NUDC: variants seen among roughly 807,000 people sequenced by gnomAD.
NUDC encodes nuclear migration protein nudC.
Under a neutral mutation model 45.0 loss-of-function variants are expected in NUDC, and 14 were observed. The ratio of observed to expected loss-of-function variants is 0.31; its 90% CI spans 0.21 to 0.49. The LOEUF (loss-of-function observed/expected upper bound fraction) is 0.49, where lower values mean the gene tolerates loss of function less well. Ranked by LOEUF, NUDC falls within the 20% of genes least tolerant of loss-of-function variation. The probability of loss-of-function intolerance (pLI) is 0.99; values close to 1 mark genes in which losing one functional copy is unlikely to be tolerated. For synonymous variants in NUDC, 153 were observed against 156.7 expected (o/e 0.98, Z 0.17); for missense variants, 323 against 426.2 (o/e 0.76, Z 2.13).
At position 26,921,824 on chromosome 1, in the gene NUDC, C is replaced by A; in HGVS notation, c.-25C>A. On this transcript the variant is annotated 5_prime_UTR_variant, in exon 1 of 9. Coordinates refer to ENST00000321265, the MANE Select transcript of NUDC (RefSeq NM_006600.4). Reference sequence around the variant, plus strand: ...AGCGCGGGACTAGAGTGCAGAGCTCCGGGACGTGGATCGGAGCCGGCGCGA... The same window carrying A: ...AGCGCGGGACTAGAGTGCAGAGCTCAGGGACGTGGATCGGAGCCGGCGCGA... 6.5e-7 allele frequency: 1 copy of A among 1,549,338 alleles called. No individual in the cohort carries two copies. The highest frequency in any genetic ancestry group is 8.7e-7 in the Non-Finnish European group (1 of 1,146,456).
intron 1 of NUDC, chr1:26,922,184 C>T: frequency 1.8e-6 from 1 of 565,140 alleles, no homozygotes; most frequent in Non-Finnish European, 3.2e-6. Context: ...CCTTTAGTTT[C>T]ACATATGCCC....
At chr1:26,934,354 A>G (rs1489672521) in intron 2 of NUDC, among the ~76,000 whole-genome samples, 1 of 152,122 alleles carries the variant, frequency 6.6e-6, no homozygotes, top group African/African-American at 2.4e-5. Context: ...CATGGGGGAA[A>G]CCATCCTGGT....
At chr1:26,909,005 C>T (rs1369104156) in intron 2 of NUDC, among the ~76,000 whole-genome samples, 1 of 151,406 alleles carries the variant, frequency 6.6e-6, no homozygotes, top group Non-Finnish European at 1.5e-5. Context: ...GACAGAGTCT[C>T]ACTCTGTCGC....
At chr1:26,941,904 C>A in intron 4 of NUDC, 86 bp downstream of exon 4, 2 of 1,245,648 alleles carry the variant, frequency 1.6e-6, no homozygotes, top group East Asian at 4.9e-5. Context: ...CTGGAATACC[C>A]TTCCTTATCC....
intron 1 of NUDC, among the ~76,000 whole-genome samples, chr1:26,901,965 A>G (rs571422395): frequency 6.6e-6 from 1 of 152,354 alleles, no homozygotes; most frequent in East Asian, 1.9e-4. Flanking sequence ...TGTCTAAACA[A>G]TAAAAAAAAT....
intron 2 of NUDC, among the ~76,000 whole-genome samples, chr1:26,927,205 G>GTGTGTGTGTGTGTGTGTGTGTGTGT (rs1557673508): frequency 8.0e-6 from 1 of 124,634 alleles, no homozygotes; most frequent in African/African-American, 3.5e-5. Context: ...TGTGTGTCAG[G>GTGTGTGTGTGTGTGTGTGTGTGTGT]GTCTTGCTCT....
At chr1:26,945,090 G>A in intron 6 of NUDC, 1 of 491,156 alleles carries the variant, frequency 2.0e-6, no homozygotes, top group South Asian at 2.4e-5. Context: ...CTGGAATACT[G>A]CTTTGTGTCT....
upstream of NUDC, among the ~76,000 whole-genome samples, chr1:26,918,397 C>T (rs889120573): frequency 6.6e-6 from 1 of 151,812 alleles, no homozygotes; most frequent in African/African-American, 2.4e-5. Context: ...CCTCAGCCTC[C>T]TGAGTAGCTG....
intron 2 of NUDC, among the ~76,000 whole-genome samples, chr1:26,905,958 C>G (rs994633980): frequency 4.6e-5 from 7 of 152,114 alleles, no homozygotes; most frequent in African/African-American, 1.7e-4. Context: ...ACCAACCTGG[C>G]TAACATGGTG....
intron 2 of NUDC, among the ~76,000 whole-genome samples, chr1:26,903,406 C>G (rs1260940122): frequency 1.3e-5 from 2 of 152,032 alleles, no homozygotes; most frequent in Non-Finnish European, 2.9e-5. Flanking sequence ...ACCTATGAAA[C>G]AATAGAGTTC....
rs550021310 is a variant in NUDC at position 26,903,170 on chromosome 1, G to A, written c.-16+804G>A. ...TTTAAGTGCAAAAAGCTGGCTTTTT[G>A]TACTAATAATCTCAGTTAAAGCCAG... On this transcript the variant is annotated intron_variant, in intron 2 of 6. Transcript: ENST00000435827. 2.2e-4 allele frequency among the ~76,000 whole-genome samples: 33 copies of A among 152,066 alleles called. No homozygotes were observed. The South Asian group carries it at 6.6e-3, about 31-fold the overall frequency.
At chr1:26,910,374 A>G (rs1179968417) in intron 2 of NUDC, among the ~76,000 whole-genome samples, 2 of 152,090 alleles carry the variant, frequency 1.3e-5, no homozygotes, top group Admixed American at 6.6e-5. Flanking sequence ...TTTTGTCTCT[A>G]TCTGGTGTCT....
exon 3 of NUDC, chr1:26,911,172 A>T (rs1462532825): frequency 2.1e-6 from 1 of 470,838 alleles, no homozygotes; most frequent in Non-Finnish European, 4.4e-6. Flanking sequence ...ATGGCAGTGA[A>T]CTTGTCTGTT....
intron 2 of NUDC, among the ~76,000 whole-genome samples, chr1:26,906,655 C>T (rs984397756): frequency 6.6e-6 from 1 of 151,768 alleles, no homozygotes; most frequent in African/African-American, 2.4e-5. Flanking sequence ...CAAGACCATC[C>T]TGGCTAACAT....
intron 2 of NUDC, chr1:26,911,093 G>A (rs1422057538): frequency 2.1e-6 from 1 of 470,654 alleles, no homozygotes; most frequent in Non-Finnish European, 4.4e-6. Context: ...TTCCCTTTGG[G>A]AAAATAATGG....
chr1:26,929,642 A>G (rs138036064), intron 2 of NUDC: 1 of 352,294 alleles, frequency 2.8e-6, no homozygotes, highest in South Asian at 2.2e-5. Flanking sequence ...GGACTACCCT[A>G]TTGCATTCCA....
exon 2 of NUDC, chr1:26,902,365 A>G (rs2081983530): frequency 6.6e-6 from 1 of 152,222 alleles, no homozygotes; most frequent in African/African-American, 2.4e-5. Context: ...GCTGGCTTCA[A>G]GGTAAAGCAT....
chr1:26,922,715 ACCTAG>A (rs2082101619), intron 1 of NUDC, among the ~76,000 whole-genome samples: 1 of 152,186 alleles, frequency 6.6e-6, no homozygotes, highest in Non-Finnish European at 1.5e-5. Context: ...CATGGTTCTC[ACCTAG>A]ACAGGTCAGT....
chr1:26,928,833 G>A (rs966553981), intron 2 of NUDC, among the ~76,000 whole-genome samples: 4 of 152,210 alleles, frequency 2.6e-5, no homozygotes, highest in African/African-American at 9.6e-5. Context: ...AATGTCAAAT[G>A]GTGCATCTGC....
Sources: gnomAD v4.1 joint callset for allele counts (sites outside exome capture counted in the v4.1 genomes callset) on GRCh38, gnomAD v4.1.1 for gene constraint, MANE v1.5 for transcripts, NCBI Gene and HGNC (gene_info 2026-07-23, HGNC 2026-07-21) for gene names.